The following TSHZ2 variants were observed in gnomAD, a reference collection of about 807,000 sequenced individuals.
TSHZ2 encodes teashirt zinc finger homeobox 2.
TSHZ2 carries 21 observed loss-of-function variants against 74.4 expected under a neutral mutation model. That is an observed-to-expected ratio of 0.28 (90% confidence interval 0.20 to 0.41). The LOEUF is 0.41. Among genes scored for constraint, TSHZ2 ranks in the 10% least tolerant of loss-of-function variants. The pLI is 1.00. For missense variants in TSHZ2, 1,244 were observed against 1,293.5 expected (o/e 0.96, Z 0.59); for synonymous variants, 540 against 515.3 (o/e 1.05, Z -0.65).
intron 1 of TSHZ2, among the ~76,000 whole-genome samples, chr20:53,136,276 A>G (rs1987243141): frequency 6.6e-6 from 1 of 152,230 alleles, no homozygotes; most frequent in South Asian, 2.1e-4. Context: ...CCTACCTCTC[A>G]ATACTGCCAG....
intron 1 of TSHZ2, among the ~76,000 whole-genome samples, chr20:53,044,502 G>T (rs1322959582): frequency 2.7e-5 from 4 of 145,990 alleles, no homozygotes; most frequent in African/African-American, 7.5e-5. Context: ...CTCTCACTTA[G>T]CAAGACACTA....
chr20:53,147,192 A>C (rs910713017), intron 1 of TSHZ2, among the ~76,000 whole-genome samples: 1 of 152,150 alleles, frequency 6.6e-6, no homozygotes, highest in African/African-American at 2.4e-5. Flanking sequence ...GGCTTTATAC[A>C]TGGATAAATC....
At chr20:53,409,980 G>A (rs1032074411) in intron 2 of TSHZ2, among the ~76,000 whole-genome samples, 5 of 151,296 alleles carry the variant, frequency 3.3e-5, no homozygotes, top group Non-Finnish European at 7.4e-5. Flanking sequence ...TTGAGTACCT[G>A]GGATTACAGG....
At chr20:53,345,005 T>A (rs1980381742) in intron 2 of TSHZ2, among the ~76,000 whole-genome samples, 1 of 152,192 alleles carries the variant, frequency 6.6e-6, no homozygotes, top group Non-Finnish European at 1.5e-5. Flanking sequence ...GTGTTAGAAT[T>A]ATTTGTGTGC....
Position 52,972,762 on chromosome 20 carries a change from G to T in TSHZ2, c.-532G>T. On this transcript the variant is annotated 5_prime_UTR_variant, in exon 1 of 3. Coordinates refer to ENST00000371497, the MANE Select transcript of TSHZ2 (RefSeq NM_173485.6). ...GGAGGAGGAGGTGGAGGAGGAGGAG[G>T]AGGAGGGAAAGAGGAGAAGGAAGAA... is the stretch of plus-strand genomic sequence containing the variant. 1 of 166,826 alleles carries T rather than the reference G, an allele frequency of 6.0e-6. No homozygotes were observed. Among genetic ancestry groups the T allele is most frequent in the South Asian group, 1.7e-4 (1 of 5,850 alleles). The allele number at this position is 166,826 out of a possible 1,614,324, so 10.3% of individuals were successfully genotyped here.
At position 53,255,832 on chromosome 20, in the gene TSHZ2, C is replaced by T. The variant is rs777333249; in HGVS notation, c.2374C>T (p.Leu792=). Residue 792 remains leucine, a synonymous_variant, in exon 2 of 3, where the codon CTG becomes TTG. Transcript: ENST00000371497. The surrounding 1 kb of genome is among the most constrained non-coding windows in gnomAD (Gnocchi z 4.1). ...TATGTCCCCACCTCAGAAGCACGCT[C>T]TGTCTGACATCGCCGACATGGTCAA... is the stretch of plus-strand genomic sequence containing the variant. ...SCMSPPQKHA[L]SDIADMVKVL... is the part of the protein sequence containing the mutation. The T allele has an allele frequency of 6.2e-6, 10 of 1,612,890 alleles. 1 individual carries two copies. Among genetic ancestry groups the T allele is most frequent in the Admixed American group, 5.0e-5 (3 of 59,888 alleles).
chr20:53,213,755 G>A (rs1433567180), intron 1 of TSHZ2, among the ~76,000 whole-genome samples: 5 of 147,022 alleles, frequency 3.4e-5, no homozygotes, highest in African/African-American at 7.6e-5. Flanking sequence ...CTTCATGGTT[G>A]CTCTTCACAC....
At chr20:53,318,066 T>C (rs1229643694) in intron 2 of TSHZ2, among the ~76,000 whole-genome samples, 1 of 152,186 alleles carries the variant, frequency 6.6e-6, no homozygotes, top group Non-Finnish European at 1.5e-5. Flanking sequence ...AACAAATGAC[T>C]AGATGAACAG....
At chr20:53,214,785 G>C (rs577827004) in intron 1 of TSHZ2, among the ~76,000 whole-genome samples, 2 of 152,300 alleles carry the variant, frequency 1.3e-5, no homozygotes, top group South Asian at 4.1e-4. Context: ...AGGGTGTGTA[G>C]AGTGTCCAGT....
At chr20:53,386,305 T>C (rs1338534337) in intron 2 of TSHZ2, among the ~76,000 whole-genome samples, 1 of 152,254 alleles carries the variant, frequency 6.6e-6, no homozygotes, top group Non-Finnish European at 1.5e-5. Context: ...TATTCCTCTG[T>C]GTTCTTTCCA....
At chr20:53,129,145 C>T (rs1987031356) in intron 1 of TSHZ2, among the ~76,000 whole-genome samples, 1 of 152,020 alleles carries the variant, frequency 6.6e-6, no homozygotes. Context: ...CAACAATATC[C>T]AATAATAAGG....
At chr20:53,325,141 G>C (rs137857074) in intron 2 of TSHZ2, among the ~76,000 whole-genome samples, 1 of 152,172 alleles carries the variant, frequency 6.6e-6, no homozygotes, top group Non-Finnish European at 1.5e-5. Context: ...TCCACCAGAA[G>C]CATTTTATTT....
At chr20:53,304,615 T>C (rs1978443083) in intron 2 of TSHZ2, among the ~76,000 whole-genome samples, 1 of 146,406 alleles carries the variant, frequency 6.8e-6, no homozygotes, top group African/African-American at 2.7e-5. Context: ...TAATGAAGTT[T>C]TTTGTTTGTT....
intron 1 of TSHZ2, among the ~76,000 whole-genome samples, chr20:53,112,241 C>G (rs1568764878): frequency 6.6e-6 from 1 of 152,166 alleles, no homozygotes; most frequent in Admixed American, 6.5e-5. Context: ...GCTCCAAGCC[C>G]CTAGCTCATG....
chr20:53,427,499 G>A (rs1983696945), intron 2 of TSHZ2, among the ~76,000 whole-genome samples: 1 of 151,272 alleles, frequency 6.6e-6, no homozygotes, highest in Non-Finnish European at 1.5e-5. Flanking sequence ...TCTTTAACTT[G>A]AGCAGGCAGG....
chr20:53,239,156 A>G (rs1319470954), intron 1 of TSHZ2, among the ~76,000 whole-genome samples: 5 of 152,198 alleles, frequency 3.3e-5, no homozygotes, highest in Non-Finnish European at 7.4e-5. Context: ...ACTAGATGCC[A>G]GTAGCACCTT....
chr20:53,010,056 C>T (rs541016373), intron 1 of TSHZ2, among the ~76,000 whole-genome samples: 6 of 152,190 alleles, frequency 3.9e-5, no homozygotes, highest in South Asian at 4.2e-4. Flanking sequence ...CATGGGTCTA[C>T]CCTCCCCTTC....
At chr20:53,004,219 A>T (rs1982554518) in intron 1 of TSHZ2, among the ~76,000 whole-genome samples, 1 of 150,538 alleles carries the variant, frequency 6.6e-6, no homozygotes, top group Admixed American at 6.6e-5. Flanking sequence ...ATGAAATACA[A>T]ATTTCATCCA....
chr20:53,068,526 C>T (rs781568265), intron 1 of TSHZ2, among the ~76,000 whole-genome samples: 24 of 152,094 alleles, frequency 1.6e-4, no homozygotes, highest in Non-Finnish European at 2.5e-4. Context: ...GCCCCCACAC[C>T]GAGTCTAGTT....
Sources: gnomAD v4.1 joint callset for allele counts (sites outside exome capture counted in the v4.1 genomes callset) on GRCh38, gnomAD v4.1.1 for gene constraint, Gnocchi (gnomAD v3.1) non-coding constraint, MANE v1.5 for transcripts, NCBI Gene and HGNC (gene_info 2026-07-23, HGNC 2026-07-21) for gene names.